The following RNF2 variants were observed in gnomAD, a reference collection of about 807,000 sequenced individuals.
RNF2 encodes the protein E3 ubiquitin-protein ligase RING2.
A neutral mutation model predicts 37.2 loss-of-function variants in RNF2; 6 were observed. The observed-to-expected ratio is 0.16, with a 90% CI of 0.09 to 0.32. RNF2 has a LOEUF of 0.32. RNF2 is among the 10% of genes least tolerant of loss of function. RNF2 has a pLI of 1.00. For synonymous variants in RNF2, 133 were observed against 132.7 expected (o/e 1.00, Z -0.02); for missense variants, 251 against 404.0 (o/e 0.62, Z 3.25).
intron 1 of RNF2, among the ~76,000 whole-genome samples, chr1:185,052,300 A>C (rs1376730725): frequency 6.6e-6 from 1 of 152,220 alleles, no homozygotes; most frequent in African/African-American, 2.4e-5. Flanking sequence ...CATGATACCC[A>C]AAAAATGGAA....
rs2102210675 is a variant in RNF2, at chr1:185,099,893, G to A, written c.840G>A (p.Gln280=). ...TTCGAAGCAAAGGTGAATCAAACCA[G>A]ATGAACCTTGATACAGCCAGTGAGA... ...EELRSKGESN[Q]MNLDTASEKQ... Residue 280 remains glutamine, a synonymous_variant, in exon 6 of 7, where the codon CAG becomes CAA. Transcript: ENST00000367510. The A allele has an allele frequency of 6.2e-7, 1 of 1,614,120 alleles. No individual in the cohort carries two copies. The highest frequency in any genetic ancestry group is 8.5e-7 in the Non-Finnish European group (1 of 1,179,980).
At chr1:185,100,177 T>C in intron 6 of RNF2, 23 bp from the exon 7 acceptor site, 2 of 1,534,598 alleles carry the variant, frequency 1.3e-6, no homozygotes, top group Non-Finnish European at 1.8e-6. Context: ...TTTTCATAAT[T>C]TTTTCTTTCT....
rs1438849025 is a variant in RNF2 at position 185,100,615 on chromosome 1, T to C, written c.*314T>C. 1 of 189,834 alleles carries C rather than the reference T, an allele frequency of 5.3e-6. No homozygotes were observed. Among genetic ancestry groups the C allele is most frequent in the Non-Finnish European group, 1.1e-5 (1 of 93,284 alleles). 11.8% of individuals were successfully genotyped at this position (189,834 alleles called of 1,614,324 possible). A position where few individuals can be genotyped will look rare whatever the true frequency, so the allele number is the denominator to read the frequency against. On this transcript the variant is annotated 3_prime_UTR_variant, in exon 7 of 7. Transcript: ENST00000367510. ...TGACCCAGGAATTTTTCATAGTTTC[T>C]GTATTCTTATAAGATTCAGTTGGCT...
Position 185,100,465 on chromosome 1 carries a change from G to T in RNF2, c.*164G>T. 2.4e-6 allele frequency: 1 copy of T among 418,410 alleles called. No homozygotes were observed. The highest frequency in any genetic ancestry group is 4.4e-5 in the Admixed American group (1 of 22,902). The allele number at this position is 418,410 out of a possible 1,614,324, so 25.9% of individuals were successfully genotyped here. A position where few individuals can be genotyped will look rare whatever the true frequency, so the allele number is the denominator to read the frequency against. ...TTCAAATCTTTTCCCCTTTATTTAA[G>T]ATTTCCTTTTTGGAAGGGACTGCAA... is the stretch of plus-strand genomic sequence containing the variant. On this transcript the variant is annotated 3_prime_UTR_variant, in exon 7 of 7. Coordinates refer to ENST00000367510, the MANE Select transcript of RNF2 (RefSeq NM_007212.4).
Position 185,102,591 on chromosome 1 carries a change from CTCT to C in RNF2, c.*2298_*2300del, listed in dbSNP as rs1482892824. The C allele has an allele frequency of 6.6e-6, 1 of 152,166 alleles. No homozygotes were observed. The highest frequency in any genetic ancestry group is 2.4e-5 in the African/African-American group (1 of 41,446). 9.4% of individuals were successfully genotyped at this position (152,166 alleles called of 1,614,324 possible). A position where few individuals can be genotyped will look rare whatever the true frequency, so the allele number is the denominator to read the frequency against. ...TGTGTGCAATTAAAGTAATGCATTT[CTCT>C]TCTTCTTAACCCCTAGCAACCTCTA... is the stretch of plus-strand genomic sequence containing the variant. On this transcript the variant is annotated 3_prime_UTR_variant, in exon 7 of 7. Coordinates refer to ENST00000367510, the MANE Select transcript of RNF2 (RefSeq NM_007212.4).
At chr1:185,087,371 C>T (rs765954665) in intron 1 of RNF2, among the ~76,000 whole-genome samples, 181 bp from the exon 2 acceptor site, 1 of 152,172 alleles carries the variant, frequency 6.6e-6, no homozygotes, top group Non-Finnish European at 1.5e-5. Context: ...TATAAAGGCA[C>T]TAATTTCATT....
At chr1:185,053,665 T>C (rs1420245405) in intron 1 of RNF2, among the ~76,000 whole-genome samples, 3 of 152,168 alleles carry the variant, frequency 2.0e-5, no homozygotes, top group African/African-American at 4.8e-5. Context: ...AATTTTATTA[T>C]TTGCATTTTC....
chr1:185,098,502 C>T (rs1287092266), intron 5 of RNF2, among the ~76,000 whole-genome samples, 158 bp downstream of exon 5: 2 of 152,114 alleles, frequency 1.3e-5, no homozygotes, highest in East Asian at 3.9e-4. Flanking sequence ...TTCCTTCCTC[C>T]CTCATGTGCT....
intron 1 of RNF2, among the ~76,000 whole-genome samples, chr1:185,072,575 G>A (rs1395598523): frequency 6.6e-6 from 1 of 152,000 alleles, no homozygotes; most frequent in Non-Finnish European, 1.5e-5. Context: ...TCCTTTCCAA[G>A]CAGAAGGACT....
intron 1 of RNF2, among the ~76,000 whole-genome samples, chr1:185,067,885 AT>A (rs1411763074): frequency 6.6e-6 from 1 of 150,860 alleles, no homozygotes; most frequent in Non-Finnish European, 1.5e-5. Context: ...TAATTTTTGT[AT>A]TTTTAATACA....
At chr1:185,061,337 C>T (rs1384468097) in intron 1 of RNF2, among the ~76,000 whole-genome samples, 1 of 151,584 alleles carries the variant, frequency 6.6e-6, no homozygotes, top group South Asian at 2.1e-4. Flanking sequence ...CCATGTTAGC[C>T]AGGATGGTCT....
rs974457136 is a variant in RNF2, at chr1:185,101,854, T to G, written c.*1553T>G. 3.6e-5 allele frequency: 4 copies of G among 111,928 alleles called. No individual in the cohort carries two copies. The highest frequency in any genetic ancestry group is 8.3e-5 in the Non-Finnish European group (4 of 48,284). The allele number at this position is 111,928 out of a possible 1,614,324, so 6.9% of individuals were successfully genotyped here. On this transcript the variant is annotated 3_prime_UTR_variant, in exon 7 of 7. Transcript: ENST00000367510. ...AGGGTTTTTTTTTTTTTTTTTTTTT[T>G]GTAATCTGTGCCATGAAATTTGAAA...
chr1:185,093,343 C>A, intron 4 of RNF2, 67 bp downstream of exon 4: 1 of 1,469,942 alleles, frequency 6.8e-7, no homozygotes, highest in Non-Finnish European at 9.4e-7. Flanking sequence ...ATTAAATTTA[C>A]TTTTTGAAAA....
intron 1 of RNF2, among the ~76,000 whole-genome samples, chr1:185,082,305 T>C (rs1651439806): frequency 6.6e-6 from 1 of 151,042 alleles, no homozygotes; most frequent in South Asian, 2.1e-4. Flanking sequence ...GGCTGGTCAC[T>C]ATGCTCCGCG....
intron 1 of RNF2, among the ~76,000 whole-genome samples, chr1:185,077,625 GTTT>G (rs528747420): frequency 8.6e-6 from 1 of 115,692 alleles, no homozygotes; most frequent in Non-Finnish European, 1.8e-5. Flanking sequence ...AATTAACTTT[GTTT>G]TTTTTTTTTT....
chr1:185,099,497 C>T (rs1652016128), intron 5 of RNF2, among the ~76,000 whole-genome samples: 1 of 151,962 alleles, frequency 6.6e-6, no homozygotes, highest in South Asian at 2.1e-4. Flanking sequence ...CCCCTTAGTA[C>T]TTTGTGTATT....
chr1:185,065,807 C>T (rs1037405198), intron 1 of RNF2, among the ~76,000 whole-genome samples: 1 of 152,220 alleles, frequency 6.6e-6, no homozygotes, highest in East Asian at 1.9e-4. Flanking sequence ...GACACAATGT[C>T]ATCTACAAAG....
intron 1 of RNF2, among the ~76,000 whole-genome samples, chr1:185,048,652 T>C (rs1650182711): frequency 1.3e-5 from 2 of 152,228 alleles, no homozygotes; most frequent in African/African-American, 4.8e-5. Context: ...AAAAGATATG[T>C]TACTTACGGG....
In RNF2 at chr1:185,100,354, T is replaced by C; in HGVS notation, c.*53T>C. On this transcript the variant is annotated 3_prime_UTR_variant, in exon 7 of 7. Transcript: ENST00000367510. ...ACTTTTTTATAGCCTATTTCTTTAATATTAAAGATGTACTGGCATTACTTT... is the reference window on the plus strand; with the variant it reads ...ACTTTTTTATAGCCTATTTCTTTAACATTAAAGATGTACTGGCATTACTTT... The C allele has an allele frequency of 5.0e-6, 6 of 1,193,828 alleles. No homozygotes were observed. Among genetic ancestry groups the C allele is most frequent in the Non-Finnish European group, 7.3e-6 (6 of 824,210 alleles). The allele number at this position is 1,193,828 out of a possible 1,614,324, so 74.0% of individuals were successfully genotyped here.
Sources: gnomAD v4.1 joint callset for allele counts (sites outside exome capture counted in the v4.1 genomes callset) on GRCh38, gnomAD v4.1.1 for gene constraint, MANE v1.5 for transcripts, NCBI Gene and HGNC (gene_info 2026-07-23, HGNC 2026-07-21) for gene names.